ANKS1B: variants seen among roughly 807,000 people sequenced by gnomAD.
ANKS1B encodes the protein ankyrin repeat and sterile alpha motif domain-containing protein 1B.
ANKS1B carries 36 observed loss-of-function variants against 148.3 expected under a neutral mutation model. The ratio of observed to expected loss-of-function variants is 0.24; its 90% CI spans 0.19 to 0.32. The LOEUF (loss-of-function observed/expected upper bound fraction) is 0.32, where lower values mean the gene tolerates loss of function less well. Ranked by LOEUF, ANKS1B falls within the 10% of genes least tolerant of loss-of-function variation. The pLI, the probability that ANKS1B is intolerant of heterozygous loss-of-function variation, is 1.00. For missense variants in ANKS1B, 1,157 were observed against 1,542.6 expected, an observed-to-expected ratio of 0.75 and a Z score of 4.19; for synonymous variants, 542 against 560.8, an observed-to-expected ratio of 0.97 and a Z score of 0.47.
chr12:99,185,427 AAAG>A (rs1266814104), intron 14 of ANKS1B, among the ~76,000 whole-genome samples: 1 of 152,220 alleles, frequency 6.6e-6, no homozygotes, highest in Non-Finnish European at 1.5e-5. Flanking sequence ...ACTGGGAACC[AAAG>A]AAGATGTCAT....
intron 12 of ANKS1B, among the ~76,000 whole-genome samples, chr12:99,296,123 T>C (rs1022976415): frequency 6.6e-6 from 1 of 152,204 alleles, no homozygotes; most frequent in Non-Finnish European, 1.5e-5. Context: ...GTCAAACCTT[T>C]GTTAAAAATC....
intron 1 of ANKS1B, among the ~76,000 whole-genome samples, chr12:99,867,156 A>C (rs2090869002): frequency 6.6e-6 from 1 of 152,168 alleles, no homozygotes. Context: ...TGTAGACTAT[A>C]AAATGTTATA....
intron 17 of ANKS1B, among the ~76,000 whole-genome samples, chr12:98,861,748 G>GA (rs2099600169): frequency 1.3e-5 from 2 of 152,100 alleles, no homozygotes; most frequent in Non-Finnish European, 2.9e-5. Flanking sequence ...GTGATTACTA[G>GA]AAAAAAAGAT....
At chr12:99,430,870 G>C (rs2095358065) in intron 11 of ANKS1B, among the ~76,000 whole-genome samples, 1 of 152,158 alleles carries the variant, frequency 6.6e-6, no homozygotes, top group South Asian at 2.1e-4. Context: ...TGTCCAATCA[G>C]TTCTCATGAT....
intron 17 of ANKS1B, among the ~76,000 whole-genome samples, chr12:99,039,140 C>T (rs949513730): frequency 6.6e-6 from 1 of 152,206 alleles, no homozygotes; most frequent in South Asian, 2.1e-4. Flanking sequence ...ATGTCGTCTT[C>T]CCAGTTGGAC....
chr12:99,242,148 C>T (rs1015573650), intron 14 of ANKS1B, among the ~76,000 whole-genome samples: 1 of 152,210 alleles, frequency 6.6e-6, no homozygotes, highest in African/African-American at 2.4e-5. Flanking sequence ...AAAACCCAAT[C>T]ATTTTAGCCC....
At chr12:99,962,883 G>A (rs1222386460) in intron 1 of ANKS1B, among the ~76,000 whole-genome samples, 4 of 145,950 alleles carry the variant, frequency 2.7e-5, no homozygotes, top group Non-Finnish European at 4.4e-5. Context: ...GCATGATCTC[G>A]GCTCACTGCC....
intron 10 of ANKS1B, among the ~76,000 whole-genome samples, chr12:99,482,734 T>G (rs1195997377): frequency 2.6e-5 from 4 of 151,974 alleles, no homozygotes; most frequent in Non-Finnish European, 5.9e-5. Flanking sequence ...CCTTCTTGGT[T>G]AAGTATGTTC....
At chr12:98,835,120 T>C (rs2099355391) in intron 17 of ANKS1B, among the ~76,000 whole-genome samples, 1 of 117,292 alleles carries the variant, frequency 8.5e-6, no homozygotes. Context: ...ATTATTATTA[T>C]TATTATTTAC....
At chr12:99,477,792 C>T (rs770959743) in intron 10 of ANKS1B, among the ~76,000 whole-genome samples, 28 of 152,106 alleles carry the variant, frequency 1.8e-4, no homozygotes, top group Non-Finnish European at 2.9e-4. Flanking sequence ...AATAATTATG[C>T]CAGGTCATAA....
chr12:99,668,360 A>C (rs935600302), intron 8 of ANKS1B, among the ~76,000 whole-genome samples: 1 of 151,046 alleles, frequency 6.6e-6, no homozygotes, highest in Admixed American at 6.6e-5. Context: ...TTTATATTCT[A>C]TTTTACTGAT....
chr12:99,018,103 G>T (rs901159441), intron 17 of ANKS1B, among the ~76,000 whole-genome samples: 6 of 152,142 alleles, frequency 3.9e-5, no homozygotes, highest in Admixed American at 6.5e-5. Context: ...GATTGTCACA[G>T]TATAAAGGGC....
intron 17 of ANKS1B, among the ~76,000 whole-genome samples, chr12:98,994,289 A>G (rs2099928293): frequency 6.6e-6 from 1 of 152,140 alleles, no homozygotes; most frequent in South Asian, 2.1e-4. Flanking sequence ...TTCTTGTTTT[A>G]GTTTGCTAGG....
chr12:99,781,247 T>C (rs2064292013), intron 5 of ANKS1B, among the ~76,000 whole-genome samples: 1 of 152,150 alleles, frequency 6.6e-6, no homozygotes, highest in South Asian at 2.1e-4. Context: ...ATAAATGAAA[T>C]TTTAACTTTG....
Position 99,440,105 on chromosome 12 carries a change from T to C in ANKS1B, c.1575+3568A>G, listed in dbSNP as rs148840426. Reference sequence around the variant, plus strand: ...AAGAATAGCCAATCCTAATACATGATGATAAAAATCTGAACATTCTTGCCT... The same window carrying C: ...AAGAATAGCCAATCCTAATACATGACGATAAAAATCTGAACATTCTTGCCT... On this transcript the variant is annotated intron_variant, in intron 11 of 26. Coordinates refer to ENST00000683438, the MANE Select transcript of ANKS1B (RefSeq NM_001352186.2). Among the ~76,000 whole-genome samples, 33 of 151,888 alleles carry C rather than the reference T, an allele frequency of 2.2e-4. No individual in the cohort carries two copies. The East Asian group carries it at 3.3e-3, about 15-fold the overall frequency.
chr12:99,543,309 G>GACTA (rs1375959536), intron 9 of ANKS1B, among the ~76,000 whole-genome samples: 1 of 151,932 alleles, frequency 6.6e-6, no homozygotes, highest in East Asian at 1.9e-4. Flanking sequence ...AAATAAAAAA[G>GACTA]ACTAACAATA....
At chr12:99,680,693 G>A (rs1423325480) in intron 8 of ANKS1B, among the ~76,000 whole-genome samples, 3 of 152,194 alleles carry the variant, frequency 2.0e-5, no homozygotes, top group Non-Finnish European at 4.4e-5. Context: ...AGGGAGGGGT[G>A]AAGCCTGAAA....
At chr12:99,464,054 A>G (rs1166354920) in intron 10 of ANKS1B, among the ~76,000 whole-genome samples, 1 of 152,168 alleles carries the variant, frequency 6.6e-6, no homozygotes, top group Non-Finnish European at 1.5e-5. Context: ...GTAGGGGCAG[A>G]CTGATACCTC....
intron 1 of ANKS1B, among the ~76,000 whole-genome samples, chr12:99,929,261 T>C (rs1379015692): frequency 1.3e-5 from 2 of 152,230 alleles, no homozygotes; most frequent in Admixed American, 6.5e-5. Flanking sequence ...AGAGGGATTT[T>C]TTTTCATGTG....
Sources: gnomAD v4.1 joint callset for allele counts (sites outside exome capture counted in the v4.1 genomes callset) on GRCh38, gnomAD v4.1.1 for gene constraint, MANE v1.5 for transcripts, NCBI Gene and HGNC (gene_info 2026-07-23, HGNC 2026-07-21) for gene names.